DUOX1: variants seen among roughly 807,000 people sequenced by gnomAD.
DUOX1 encodes the protein dual oxidase 1, also known as NADPH thyroid oxidase 1.
Under a neutral mutation model 181.8 loss-of-function variants are expected in DUOX1, and 134 were observed. That is an observed-to-expected ratio of 0.74 (90% CI 0.64 to 0.85). The LOEUF is 0.85. Ranked by LOEUF, DUOX1 falls within the 40% of genes least tolerant of loss-of-function variation. The pLI is 0.00. For synonymous variants in DUOX1, 798 were observed against 832.5 expected, an observed-to-expected ratio of 0.96 and a Z score of 0.71; for missense variants, 1,814 against 2,064.4, an observed-to-expected ratio of 0.88 and a Z score of 2.35.
Position 45,152,038 on chromosome 15 carries a change from T to C in DUOX1, c.3179T>C (p.Leu1060Pro). Residue 1060 changes from leucine to proline, a missense_variant, in exon 24 of 34, where the codon CTG becomes CCG. Around this residue, in one of 5 missense-constraint regions of DUOX1, gnomAD observed 1,064 missense variants for 1,152.9 expected, o/e 0.92. Coordinates refer to ENST00000389037, the MANE Select transcript of DUOX1 (RefSeq NM_175940.3). The stretch of plus-strand genomic sequence containing the variant: ...TACGCCATCGCTGGGGGGCTTTTCC[T>C]GGAGAGGGCCTACTGTGAGTGACTT... ...VFYAIAGGLF[L>P]ERAYYYAFAA... is the part of the protein sequence containing the mutation. 6.2e-7 allele frequency: 1 copy of C among 1,614,042 alleles called. No homozygotes were observed. Among genetic ancestry groups the C allele is most frequent in the Non-Finnish European group, 8.5e-7 (1 of 1,179,948 alleles).
In DUOX1 at chr15:45,150,712, A is replaced by G; in HGVS notation, c.2888+11A>G. ...CCAGGATATGATCTGGTGAGCACCC[A>G]TCTGGGAATGTCGGGGGGAGGAGTT... On this transcript the variant is annotated intron_variant, in intron 22 of 33. Coordinates refer to ENST00000389037, the MANE Select transcript of DUOX1 (RefSeq NM_175940.3). 1.2e-6 allele frequency: 2 copies of G among 1,613,746 alleles called. No homozygotes were observed. Among genetic ancestry groups the G allele is most frequent in the South Asian group, 1.1e-5 (1 of 91,070 alleles).
At chr15:45,161,459 A>AGGGG (rs1567021729) in intron 29 of DUOX1, among the ~76,000 whole-genome samples, 7 of 103,904 alleles carry the variant, frequency 6.7e-5, no homozygotes, top group Admixed American at 2.1e-4. Context: ...GGAGGGAGGG[A>AGGGG]GGGAGGAAGG....
chr15:45,138,390 AC>A (rs1306752981), intron 10 of DUOX1, among the ~76,000 whole-genome samples: 1 of 152,036 alleles, frequency 6.6e-6, no homozygotes, highest in African/African-American at 2.4e-5. Context: ...AACTAGTCTC[AC>A]TTGCCCCAAG....
intron 11 of DUOX1, 47 bp downstream of exon 11, chr15:45,139,215 G>C (rs1385821895): frequency 1.2e-6 from 2 of 1,613,010 alleles, no homozygotes; most frequent in Non-Finnish European, 1.7e-6. Context: ...TGGCCTCTGG[G>C]AAGAGGCTCA....
At chr15:45,136,840 T>G (rs906138889) in intron 9 of DUOX1, among the ~76,000 whole-genome samples, 3 of 150,500 alleles carry the variant, frequency 2.0e-5, no homozygotes, top group African/African-American at 7.5e-5. Context: ...GGTGTAGATA[T>G]TACCCTCCCC....
intron 12 of DUOX1, 180 bp downstream of exon 12, chr15:45,139,779 A>G (rs1469454462): frequency 9.5e-5 from 72 of 760,502 alleles, no homozygotes; most frequent in Non-Finnish European, 8.2e-6. Context: ...CAGACCAGCA[A>G]GATTTGGCTT....
chr15:45,163,919 G>A lies in DUOX1; in HGVS notation c.4533+1G>A, dbSNP rs748553258. On this transcript the variant is annotated splice_donor_variant, in intron 33 of 33. Transcript: ENST00000389037. LOFTEE classifies it high-confidence loss of function. Reference sequence around the variant, plus strand: ...CTCCCTGCAGGAGGTCCACCCCCAGGTCAGTCCAACCCATAACCAGGTTCT... The same window carrying A: ...CTCCCTGCAGGAGGTCCACCCCCAGATCAGTCCAACCCATAACCAGGTTCT... The A allele has an allele frequency of 1.9e-6, 3 of 1,613,852 alleles. No homozygotes were observed. The highest frequency in any genetic ancestry group is 1.7e-5 in the Admixed American group (1 of 60,016).
At chr15:45,151,274 C>G in intron 23 of DUOX1, 26 bp downstream of exon 23, 1 of 1,608,168 alleles carries the variant, frequency 6.2e-7, no homozygotes, top group Non-Finnish European at 8.5e-7. Context: ...CCCTTAAGCC[C>G]AGGCAGTTCA....
intron 28 of DUOX1, 35 bp downstream of exon 28, chr15:45,155,964 G>T: frequency 6.2e-7 from 1 of 1,613,448 alleles, no homozygotes; most frequent in Non-Finnish European, 8.5e-7. Context: ...GGCCAGGAGG[G>T]TATGGGCAGG....
intron 28 of DUOX1, 80 bp from the exon 29 acceptor site, chr15:45,160,757 G>C: frequency 7.0e-7 from 1 of 1,421,184 alleles, no homozygotes; most frequent in Non-Finnish European, 9.2e-7. Flanking sequence ...GGGGAAGTAT[G>C]GAGGGTCTAA....
At chr15:45,150,555 G>A in intron 21 of DUOX1, 77 bp from the exon 22 acceptor site, 1 of 1,341,496 alleles carries the variant, frequency 7.5e-7, no homozygotes, top group Non-Finnish European at 1.1e-6. Context: ...TGGGATGGTA[G>A]GAGTGCTGTG....
Position 45,143,272 on chromosome 15 carries a change from C to A in DUOX1, c.1905C>A (p.Ile635=), listed in dbSNP as rs149570763. ...TCCAGGGCCAGGACCGCCAGAGCATCGTGTCTGAGAAGCTCGTGGGAGGCA... is the reference window on the plus strand; with the variant it reads ...TCCAGGGCCAGGACCGCCAGAGCATAGTGTCTGAGAAGCTCGTGGGAGGCA... ...KRLQGQDRQS[I]VSEKLVGGME... is the part of the protein sequence containing the mutation. The change falls in exon 16 of 34, where the codon ATC becomes ATA. Residue 635 remains isoleucine (I), a synonymous_variant. Transcript: ENST00000389037. 10 of 1,613,966 alleles carry A rather than the reference C, an allele frequency of 6.2e-6. No homozygotes were observed. The African/African-American group carries it at 1.3e-4, about 22-fold the overall frequency.
chr15:45,130,316 G>A (rs1019719362), intron 1 of DUOX1, among the ~76,000 whole-genome samples: 9 of 152,350 alleles, frequency 5.9e-5, no homozygotes, highest in Admixed American at 1.3e-4. Context: ...GGTTCTTTGG[G>A]ACCTGGGAAT....
At position 45,151,948 on chromosome 15, in the gene DUOX1, C is replaced by T. The variant is rs754144716; in HGVS notation, c.3089C>T (p.Thr1030Met). ...TTCCAACGCAGCTGTCTCCACCAGA[C>T]GGTGCAACAGTTCAAGCGCTTCATT... ...EKFQRSCLHQ[T>M]VQQFKRFIEN... Residue 1030 changes from threonine to methionine, a missense_variant, in exon 24 of 34, where the codon ACG becomes ATG. Thr to Met is a moderately conservative substitution (Grantham distance 81). This residue lies in a region of DUOX1 where 1,064 missense variants were observed against 1,152.9 expected (regional missense o/e 0.92). Transcript: ENST00000389037. 1.0e-4 allele frequency: 164 copies of T among 1,613,926 alleles called. No individual in the cohort carries two copies. The highest frequency in any genetic ancestry group is 1.3e-4 in the Non-Finnish European group (156 of 1,180,028).
At position 45,133,939 on chromosome 15, in the gene DUOX1, G is replaced by A. The variant is rs752256532; in HGVS notation, c.134G>A (p.Gly45Asp). 6.2e-7 allele frequency: 1 copy of A among 1,613,912 alleles called. No individual in the cohort carries two copies. Among genetic ancestry groups the A allele is most frequent in the Non-Finnish European group, 8.5e-7 (1 of 1,179,928 alleles). ...AACAACCTCATGGAGCACAGATGGG[G>A]CAGCAAAGGTAAGTGAGAGCCAAGT... is the stretch of plus-strand genomic sequence containing the variant. ...WYNNLMEHRW[G>D]SKGSRLQRLV... The change falls in exon 3 of 34, where the codon GGC (glycine) becomes GAC (aspartate). Residue 45 changes from glycine to aspartate, a missense_variant. Physicochemically the swap from Gly to Asp is moderately conservative, Grantham distance 94. Transcript: ENST00000389037.
chr15:45,158,248 G>T (rs535789765), intron 28 of DUOX1, among the ~76,000 whole-genome samples: 1 of 152,306 alleles, frequency 6.6e-6, no homozygotes, highest in South Asian at 2.1e-4. Context: ...AAGCCTTAGG[G>T]GTGGGTGTGG....
rs1468594438 is a variant in DUOX1 at position 45,153,451 on chromosome 15, C to A, written c.3496C>A (p.Leu1166Ile). The A allele has an allele frequency of 6.2e-7, 1 of 1,613,586 alleles. No individual in the cohort carries two copies. The highest frequency in any genetic ancestry group is 8.5e-7 in the Non-Finnish European group (1 of 1,179,908). Reference sequence around the variant, plus strand: ...CAGCCCCCTCAGCGTCCTCTCTTGCCTCTTTCCTGGCCTCTTCCATGATGA... The same window carrying A: ...CAGCCCCCTCAGCGTCCTCTCTTGCATCTTTCCTGGCCTCTTCCATGATGA... ...SISPLSVLSC[L>I]FPGLFHDDGS... is the part of the protein sequence containing the mutation. Residue 1166 changes from leucine (L) to isoleucine (I), a missense_variant, in exon 26 of 34, where the codon CTC (leucine) becomes ATC (isoleucine). Leu to Ile is a conservative substitution (Grantham distance 5). Transcript: ENST00000389037.
rs1288508302 is a variant in DUOX1 at position 45,141,367 on chromosome 15, T to C, written c.1641T>C (p.Ile547=). 6.2e-7 allele frequency: 1 copy of C among 1,614,234 alleles called. No individual in the cohort carries two copies. Among genetic ancestry groups the C allele is most frequent in the East Asian group, 2.2e-5 (1 of 44,882 alleles). The part of the protein sequence containing the change: ...LQDVLVAVIN[I]DPSALQPNVF... ...ACGTGCTGGTCGCTGTTATCAACAT[T>C]GACCCCAGTGCTCTGCAGCCCAATG... The change falls in exon 14 of 34, where the codon ATT becomes ATC. Residue 547 remains isoleucine, a synonymous_variant. Transcript: ENST00000389037.
At chr15:45,135,057 A>C in intron 4 of DUOX1, 47 bp from the exon 5 acceptor site, 1 of 1,593,782 alleles carries the variant, frequency 6.3e-7, no homozygotes, top group Non-Finnish European at 8.5e-7. Flanking sequence ...GTAAGAAGGA[A>C]AGTGGCCCTC....
Sources: gnomAD v4.1 joint callset for allele counts (sites outside exome capture counted in the v4.1 genomes callset) on GRCh38, gnomAD v4.1.1 for gene constraint, gnomAD v4.1.1 regional missense constraint, MANE v1.5 for transcripts, NCBI Gene and HGNC (gene_info 2026-07-23, HGNC 2026-07-21) for gene names.